The following ZNF423 variants were observed in gnomAD, a reference collection of about 807,000 sequenced individuals.
ZNF423 encodes zinc finger protein 423, also known as Ebf-associated zinc finger protein.
ZNF423 carries 12 observed loss-of-function variants against 95.8 expected under a neutral mutation model. The observed-to-expected ratio is 0.13, with a 90% CI of 0.08 to 0.20. The LOEUF (loss-of-function observed/expected upper bound fraction) is 0.20, where lower values mean the gene tolerates loss of function less well. Ranked by LOEUF, ZNF423 falls within the 10% of genes least tolerant of loss-of-function variation. ZNF423 has a pLI of 1.00. For missense variants in ZNF423, 1,316 were observed against 1,737.1 expected, an observed-to-expected ratio of 0.76 and a Z score of 4.31; for synonymous variants, 749 against 711.9, an observed-to-expected ratio of 1.05 and a Z score of -0.83.
At chr16:49,629,373 T>C (rs975362583) in intron 4 of ZNF423, among the ~76,000 whole-genome samples, 3 of 152,218 alleles carry the variant, frequency 2.0e-5, no homozygotes, top group Admixed American at 6.5e-5. Context: ...TCCTACCATC[T>C]TTTGAATTAA....
At chr16:49,695,762 A>G (rs2031946919) in intron 3 of ZNF423, among the ~76,000 whole-genome samples, 1 of 152,338 alleles carries the variant, frequency 6.6e-6, no homozygotes, top group South Asian at 2.1e-4. Context: ...TCATAAAGCA[A>G]AAAGAGTACT....
chr16:49,665,098 G>A lies in ZNF423; in HGVS notation c.302-26224C>T, dbSNP rs181913725. On this transcript the variant is annotated intron_variant, in intron 3 of 7. Coordinates refer to ENST00000563137, the MANE Select transcript of ZNF423 (RefSeq NM_001379286.1). ...AGGCAGGCCTGAAGTCCCCACACCCGCCATATTTGGAAATTCAACTCTCAA... is the reference window on the plus strand; with the variant it reads ...AGGCAGGCCTGAAGTCCCCACACCCACCATATTTGGAAATTCAACTCTCAA... 2.4e-4 allele frequency among the ~76,000 whole-genome samples: 36 copies of A among 152,352 alleles called. No homozygotes were observed. The East Asian group carries it at 2.9e-3, about 12-fold the overall frequency.
At chr16:49,567,111 A>G (rs1970219907) in intron 5 of ZNF423, among the ~76,000 whole-genome samples, 1 of 152,206 alleles carries the variant, frequency 6.6e-6, no homozygotes, top group Non-Finnish European at 1.5e-5. Context: ...GTGTGGACAA[A>G]TAAGGAATTC....
At chr16:49,723,608 T>C (rs1596922771) in intron 3 of ZNF423, among the ~76,000 whole-genome samples, 1 of 152,180 alleles carries the variant, frequency 6.6e-6, no homozygotes, top group Admixed American at 6.5e-5. Flanking sequence ...GACACTGGGG[T>C]TATATTTAGA....
intron 5 of ZNF423, among the ~76,000 whole-genome samples, chr16:49,583,585 T>TCA (rs1343502515): frequency 6.6e-6 from 1 of 152,174 alleles, no homozygotes; most frequent in African/African-American, 2.4e-5. Flanking sequence ...TCATATATAT[T>TCA]CACACACACA....
chr16:49,854,686 G>C (rs1421115666), intron 1 of ZNF423: 37 of 985,348 alleles, frequency 3.8e-5, no homozygotes, highest in Non-Finnish European at 4.0e-5. Context: ...GGCCTGGAAA[G>C]GCCAGCCGCG....
intron 4 of ZNF423, among the ~76,000 whole-genome samples, chr16:49,628,372 A>G (rs113395563): frequency 0.018 from 2,720 of 150,528 alleles, 70 homozygotes; most frequent in African/African-American, 0.062. Flanking sequence ...CCATCTACAT[A>G]CACATCCACC....
upstream of ZNF423, among the ~76,000 whole-genome samples, chr16:49,858,518 G>A (rs1351634705): frequency 6.6e-6 from 1 of 152,106 alleles, no homozygotes; most frequent in East Asian, 1.9e-4. The surrounding 1 kb of genome is among the most constrained non-coding windows in gnomAD (Gnocchi z 4.3). Context: ...GCGACGCCTA[G>A]CTGGACACCC....
intron 6 of ZNF423, among the ~76,000 whole-genome samples, chr16:49,524,046 A>G (rs1260483877): frequency 6.6e-6 from 1 of 152,164 alleles, no homozygotes; most frequent in Non-Finnish European, 1.5e-5. Flanking sequence ...CAAATGGGAT[A>G]TTGATAAAGT....
intron 2 of ZNF423, among the ~76,000 whole-genome samples, chr16:49,762,572 T>A (rs1200742927): frequency 2.6e-5 from 4 of 152,154 alleles, no homozygotes; most frequent in African/African-American, 9.7e-5. Flanking sequence ...GAAGAAAAGA[T>A]AGGCATCCTG....
At chr16:49,808,575 A>G (rs563768451) in intron 1 of ZNF423, among the ~76,000 whole-genome samples, 1 of 152,166 alleles carries the variant, frequency 6.6e-6, no homozygotes, top group African/African-American at 2.4e-5. Context: ...GTTGTCCTAA[A>G]TGGATCTCCG....
chr16:49,694,042 C>T (rs941926739), intron 3 of ZNF423, among the ~76,000 whole-genome samples: 4 of 152,330 alleles, frequency 2.6e-5, no homozygotes, highest in South Asian at 4.1e-4. Context: ...CCAAGTCTCA[C>T]GAAAACTCCT....
chr16:49,590,742 C>A (rs564870421), intron 5 of ZNF423, among the ~76,000 whole-genome samples: 2 of 152,272 alleles, frequency 1.3e-5, no homozygotes, highest in South Asian at 4.1e-4. Context: ...AGGGGCCTCC[C>A]AGTAATTAAC....
chr16:49,851,698 C>T (rs571484135), intron 1 of ZNF423, among the ~76,000 whole-genome samples: 12 of 152,212 alleles, frequency 7.9e-5, no homozygotes, highest in Non-Finnish European at 1.3e-4. Flanking sequence ...TATGAATGCA[C>T]GCTAGGCACC....
In ZNF423 at chr16:49,696,634, A is replaced by C. The variant is rs570507392; in HGVS notation, c.301+34137T>G. ...AAAACCCTGGGCCACAGAGGCTGTGACGGCACCTACCCACCCCCACCCGGC... is the reference window on the plus strand; with the variant it reads ...AAAACCCTGGGCCACAGAGGCTGTGCCGGCACCTACCCACCCCCACCCGGC... On this transcript the variant is annotated intron_variant, in intron 3 of 7. Transcript: ENST00000563137. Among the ~76,000 whole-genome samples, 146 of 152,178 alleles carry C rather than the reference A, an allele frequency of 9.6e-4. 1 individual carries two copies. The highest frequency in any genetic ancestry group is 3.4e-3 in the Middle Eastern group (1 of 292).
chr16:49,776,769 G>T (rs768901519), intron 2 of ZNF423, among the ~76,000 whole-genome samples: 6 of 152,216 alleles, frequency 3.9e-5, no homozygotes, highest in African/African-American at 7.2e-5. Context: ...AAGTGCAGGG[G>T]TGCAAATCTT....
chr16:49,803,796 T>C (rs1306175132), intron 1 of ZNF423, among the ~76,000 whole-genome samples: 1 of 151,718 alleles, frequency 6.6e-6, no homozygotes, highest in Non-Finnish European at 1.5e-5. Flanking sequence ...GTAGAGGACC[T>C]GGAGTGCAGA....
At chr16:49,497,747 C>G (rs1433570338) in intron 7 of ZNF423, among the ~76,000 whole-genome samples, 1 of 152,228 alleles carries the variant, frequency 6.6e-6, no homozygotes, top group East Asian at 1.9e-4. Context: ...CCCGAGAATG[C>G]ACCTTAACCA....
chr16:49,631,270 T>C (rs984241509), intron 4 of ZNF423, among the ~76,000 whole-genome samples: 3 of 152,238 alleles, frequency 2.0e-5, no homozygotes, highest in East Asian at 3.9e-4. Flanking sequence ...CACACCCTCA[T>C]GTACACACAT....
Sources: gnomAD v4.1 joint callset for allele counts (sites outside exome capture counted in the v4.1 genomes callset) on GRCh38, gnomAD v4.1.1 for gene constraint, Gnocchi (gnomAD v3.1) non-coding constraint, MANE v1.5 for transcripts, NCBI Gene and HGNC (gene_info 2026-07-23, HGNC 2026-07-21) for gene names.